The following TACR1 variants were observed in gnomAD, a reference collection of about 807,000 sequenced individuals.
The protein encoded by TACR1 is substance-P receptor.
Under a neutral mutation model 35.8 loss-of-function variants are expected in TACR1, and 25 were observed. That is an observed-to-expected ratio of 0.70 (90% CI 0.51 to 0.98). The LOEUF (loss-of-function observed/expected upper bound fraction) is 0.98. Ranked by LOEUF, TACR1 falls within the 50% of genes least tolerant of loss-of-function variation. The pLI is 0.00. For missense variants in TACR1, 478 were observed against 522.9 expected (o/e 0.91, Z 0.84); for synonymous variants, 195 against 206.7 (o/e 0.94, Z 0.48).
At chr2:75,076,802 C>A (rs1672989485) in intron 2 of TACR1, among the ~76,000 whole-genome samples, 1 of 152,082 alleles carries the variant, frequency 6.6e-6, no homozygotes, top group Admixed American at 6.6e-5. Flanking sequence ...ACTTCTGAGG[C>A]CTTCGCATCT....
intron 2 of TACR1, among the ~76,000 whole-genome samples, chr2:75,067,434 A>G (rs936963366): frequency 1.3e-5 from 2 of 152,116 alleles, no homozygotes; most frequent in African/African-American, 2.4e-5. Flanking sequence ...CCAATTTTTC[A>G]TGAACCTTCT....
intron 1 of TACR1, among the ~76,000 whole-genome samples, chr2:75,129,621 G>C (rs534922673): frequency 6.6e-6 from 1 of 152,096 alleles, no homozygotes; most frequent in African/African-American, 2.4e-5. Flanking sequence ...CAATTATTAC[G>C]TGTCAATTAA....
chr2:75,120,535 A>T (rs762971719), intron 2 of TACR1, 39 bp downstream of exon 2: 4 of 1,543,764 alleles, frequency 2.6e-6, no homozygotes, highest in Non-Finnish European at 3.5e-6. Flanking sequence ...GGCAGCCTGC[A>T]CCATCGTTTC....
At chr2:75,124,106 TG>T (rs977122714) in intron 1 of TACR1, among the ~76,000 whole-genome samples, 2 of 152,230 alleles carry the variant, frequency 1.3e-5, no homozygotes, top group African/African-American at 2.4e-5. Flanking sequence ...ATATGGATTA[TG>T]TTCTTTACTT....
intron 1 of TACR1, among the ~76,000 whole-genome samples, chr2:75,156,618 A>G (rs946979835): frequency 4.0e-5 from 6 of 150,972 alleles, no homozygotes; most frequent in East Asian, 1.9e-4. Flanking sequence ...AAAAAAAAAA[A>G]AAAGAAAGAA....
At position 75,073,976 on chromosome 2, in the gene TACR1, G is replaced by T. The variant is rs1031069168; in HGVS notation, c.585-20221C>A. 4.6e-5 allele frequency among the ~76,000 whole-genome samples: 7 copies of T among 152,234 alleles called. No homozygotes were observed. In the South Asian group the frequency reaches 1.2e-3, roughly 27 times the overall value. On this transcript the variant is annotated intron_variant, in intron 2 of 4. Coordinates refer to ENST00000305249, the MANE Select transcript of TACR1 (RefSeq NM_001058.4). ...CAACCCCTGAAATAGAACTGTGGTGGTACCTACCCCTCTCATTCTGTGCAT... is the reference window on the plus strand; with the variant it reads ...CAACCCCTGAAATAGAACTGTGGTGTTACCTACCCCTCTCATTCTGTGCAT...
At chr2:75,170,878 G>A (rs1394415654) in intron 1 of TACR1, among the ~76,000 whole-genome samples, 2 of 152,160 alleles carry the variant, frequency 1.3e-5, no homozygotes, top group East Asian at 3.8e-4. Context: ...ACTGTTCAAA[G>A]GATTCAGTTT....
chr2:75,084,154 T>C (rs1001573694), intron 2 of TACR1, among the ~76,000 whole-genome samples: 2 of 152,150 alleles, frequency 1.3e-5, no homozygotes, highest in Non-Finnish European at 2.9e-5. Flanking sequence ...TGAATTTTGT[T>C]GAAGGCCTTT....
intron 1 of TACR1, among the ~76,000 whole-genome samples, chr2:75,192,018 C>A (rs1054417020): frequency 5.3e-5 from 8 of 151,978 alleles, no homozygotes; most frequent in Admixed American, 5.2e-4. Context: ...ATATAAGGAC[C>A]CCTCAGCTAG....
At chr2:75,111,769 T>C (rs1673753655) in intron 2 of TACR1, among the ~76,000 whole-genome samples, 1 of 152,028 alleles carries the variant, frequency 6.6e-6, no homozygotes, top group African/African-American at 2.4e-5. Flanking sequence ...GTTTACACTT[T>C]CTTAGATGGC....
At chr2:75,160,269 C>A in intron 1 of TACR1, among the ~76,000 whole-genome samples, 1 of 151,162 alleles carries the variant, frequency 6.6e-6, no homozygotes. Flanking sequence ...AAATTGATGA[C>A]AATGAATTAT....
chr2:75,118,329 T>C (rs1673902857), intron 2 of TACR1, among the ~76,000 whole-genome samples: 1 of 152,252 alleles, frequency 6.6e-6, no homozygotes, highest in African/African-American at 2.4e-5. Flanking sequence ...ATATACTATT[T>C]TGATTTACTA....
At chr2:75,167,014 C>A (rs1039758600) in intron 1 of TACR1, among the ~76,000 whole-genome samples, 7 of 152,088 alleles carry the variant, frequency 4.6e-5, no homozygotes, top group Non-Finnish European at 2.9e-5. Context: ...AAAAAATATG[C>A]TCACAATAGC....
At chr2:75,101,898 C>T (rs574168000) in intron 2 of TACR1, among the ~76,000 whole-genome samples, 4 of 152,006 alleles carry the variant, frequency 2.6e-5, no homozygotes, top group South Asian at 2.1e-4. Context: ...GAACCGAGAT[C>T]GTGCCACTGC....
At chr2:75,124,997 A>G (rs1022653742) in intron 1 of TACR1, among the ~76,000 whole-genome samples, 1 of 152,156 alleles carries the variant, frequency 6.6e-6, no homozygotes, top group Non-Finnish European at 1.5e-5. Context: ...ACAGTGGTCA[A>G]TCTGGGATGT....
rs558308461 is a variant in TACR1 at position 75,109,000 on chromosome 2, TCA to T, written c.584+11572_584+11573del. ...CACCCACTGGCCAGAATAAATTTCT[TCA>T]GTTACTGAGCAGCTGAGACCAAACT... On this transcript the variant is annotated intron_variant, in intron 2 of 4. Transcript: ENST00000305249. Among the ~76,000 whole-genome samples, 3 of 152,260 alleles carry T rather than the reference TCA, an allele frequency of 2.0e-5. No individual in the cohort carries two copies. In the East Asian group the frequency reaches 5.8e-4, roughly 29 times the overall value.
intron 1 of TACR1, among the ~76,000 whole-genome samples, chr2:75,137,448 G>A (rs1674314274): frequency 6.6e-6 from 1 of 151,980 alleles, no homozygotes; most frequent in African/African-American, 2.4e-5. Flanking sequence ...GCTGTCGGCA[G>A]GGCATGGTGC....
intron 1 of TACR1, among the ~76,000 whole-genome samples, chr2:75,171,468 T>G (rs1302102600): frequency 6.6e-6 from 1 of 152,200 alleles, no homozygotes; most frequent in Admixed American, 6.5e-5. Context: ...GATCCCCTAC[T>G]CAGAGTTCCC....
intron 2 of TACR1, among the ~76,000 whole-genome samples, chr2:75,097,261 A>C (rs1673441679): frequency 6.6e-6 from 1 of 152,284 alleles, no homozygotes; most frequent in East Asian, 1.9e-4. Flanking sequence ...TTTTGTTCTG[A>C]GTAGGTACAC....
Sources: allele counts gnomAD v4.1 joint callset (sites outside exome capture counted in the v4.1 genomes callset), GRCh38; gene constraint gnomAD v4.1.1; transcripts MANE v1.5; gene names NCBI Gene and HGNC (gene_info 2026-07-23, HGNC 2026-07-21).